The following VEPH1 variants were observed in gnomAD, a reference collection of about 807,000 sequenced individuals.
VEPH1 encodes the protein ventricular zone expressed PH domain containing 1, also known as ventricular zone-expressed PH domain-containing protein homolog 1.
VEPH1 carries 80 observed loss-of-function variants against 85.2 expected under a neutral mutation model. The ratio of observed to expected loss-of-function variants is 0.94; its 90% CI spans 0.78 to 1.13. The LOEUF (loss-of-function observed/expected upper bound fraction) is 1.13. VEPH1 is among the 50% of genes most tolerant of loss of function. The probability of loss-of-function intolerance (pLI) is 0.00; values close to 1 mark genes in which losing one functional copy is unlikely to be tolerated. For synonymous variants in VEPH1, 297 were observed against 348.0 expected (o/e 0.85, Z 1.63); for missense variants, 955 against 980.5 (o/e 0.97, Z 0.35).
At chr3:157,280,715 G>C (rs1715994140) in intron 12 of VEPH1, among the ~76,000 whole-genome samples, 1 of 152,066 alleles carries the variant, frequency 6.6e-6, no homozygotes, top group African/African-American at 2.4e-5. Flanking sequence ...CTATTTCCAG[G>C]TTTCAGTTCA....
chr3:157,367,395 C>G (rs564829684), intron 7 of VEPH1, among the ~76,000 whole-genome samples: 1 of 152,104 alleles, frequency 6.6e-6, no homozygotes, highest in African/African-American at 2.4e-5. Context: ...TTTTACAAAC[C>G]ATGATGATTG....
chr3:157,486,345 A>C (rs2109663601), intron 2 of VEPH1, among the ~76,000 whole-genome samples: 1 of 152,126 alleles, frequency 6.6e-6, no homozygotes, highest in East Asian at 1.9e-4. Flanking sequence ...AAAATACAAA[A>C]ATTAGTCAGG....
chr3:157,304,021 T>A (rs185050074), intron 11 of VEPH1, among the ~76,000 whole-genome samples: 23,255 of 79,062 alleles, frequency 0.29, 3,224 homozygotes, highest in South Asian at 0.35. Flanking sequence ...ATCTTATATT[T>A]TTTATATATA....
At chr3:157,369,218 A>G (rs1727210141) in intron 7 of VEPH1, among the ~76,000 whole-genome samples, 1 of 137,334 alleles carries the variant, frequency 7.3e-6, no homozygotes, top group Non-Finnish European at 1.6e-5. Context: ...CCTGAGGTCT[A>G]CCAGATGCCC....
At chr3:157,304,019 T>TATATATATA (rs71872669) in intron 11 of VEPH1, among the ~76,000 whole-genome samples, 9 of 52,312 alleles carry the variant, frequency 1.7e-4, no homozygotes, top group African/African-American at 3.4e-4. Context: ...TCATCTTATA[T>TATATATATA]TTTTTATATA....
At chr3:157,383,111 G>A (rs552118296) in intron 6 of VEPH1, among the ~76,000 whole-genome samples, 63 of 152,218 alleles carry the variant, frequency 4.1e-4, no homozygotes, top group African/African-American at 1.5e-3. Context: ...TTACAGGCGT[G>A]AGCCACCGTG....
At position 157,495,296 on chromosome 3, in the gene VEPH1, C is replaced by A. The variant is rs751546361; in HGVS notation, c.54G>T (p.Gly18=). Residue 18 remains glycine (G), a synonymous_variant, in exon 2 of 14, where the codon GGG becomes GGT. Transcript: ENST00000362010. ...CAGAGTCATCTAAGGAGAAGAGGTC[C>A]CCAGCTCGTGAAAGATCTTTTTGTC... ...VLGQKDLSRA[G]DLFSLDDSEI... is the part of the protein sequence containing the mutation. 1.2e-6 allele frequency: 2 copies of A among 1,613,992 alleles called. No individual in the cohort carries two copies.
At chr3:157,462,672 A>G (rs1735991853) in intron 3 of VEPH1, among the ~76,000 whole-genome samples, 1 of 152,336 alleles carries the variant, frequency 6.6e-6, no homozygotes, top group African/African-American at 2.4e-5. Context: ...CACAGAAAAT[A>G]ACATTCTATG....
chr3:157,502,750 G>C (rs900738452), intron 1 of VEPH1, among the ~76,000 whole-genome samples: 1 of 152,092 alleles, frequency 6.6e-6, no homozygotes, highest in South Asian at 2.1e-4. Context: ...GTAAAAAAGT[G>C]GTTAGATTTA....
intron 3 of VEPH1, among the ~76,000 whole-genome samples, chr3:157,467,378 GA>G (rs1308586046): frequency 2.6e-5 from 4 of 151,614 alleles, no homozygotes; most frequent in Admixed American, 1.3e-4. Context: ...TCTAACTTTT[GA>G]AAGTTGGCCT....
chr3:157,443,096 G>T lies in VEPH1; in HGVS notation c.530-14608C>A, dbSNP rs969085596. The T allele has an allele frequency of 6.6e-6, 8 of 1,216,194 alleles. No homozygotes were observed. In the African/African-American group the frequency reaches 1.2e-4, roughly 19 times the overall value. The allele number at this position is 1,216,194 out of a possible 1,614,324, so 75.3% of individuals were successfully genotyped here. A position where few individuals can be genotyped will look rare whatever the true frequency, so the allele number is the denominator to read the frequency against. ...GAACACTTGAGACTAATGAAAGAGA[G>T]AGTTGAGACCAATCTTTATTTGTAC... On this transcript the variant is annotated intron_variant, in intron 4 of 13. Transcript: ENST00000362010.
At chr3:157,390,301 A>G (rs1185627707) in intron 6 of VEPH1, among the ~76,000 whole-genome samples, 1 of 152,224 alleles carries the variant, frequency 6.6e-6, no homozygotes, top group African/African-American at 2.4e-5. Flanking sequence ...TTCCAATCCC[A>G]TAGAATGAGA....
chr3:157,350,759 T>C (rs1724779128), intron 9 of VEPH1, among the ~76,000 whole-genome samples: 1 of 151,954 alleles, frequency 6.6e-6, no homozygotes, highest in South Asian at 2.1e-4. Context: ...GACCGACAAA[T>C]ATATGAAAAA....
intron 2 of VEPH1, among the ~76,000 whole-genome samples, chr3:157,478,468 G>T (rs1237688938): frequency 6.6e-6 from 1 of 152,046 alleles, no homozygotes; most frequent in African/African-American, 2.4e-5. Context: ...CCAAATAATA[G>T]TTTATTAATA....
intron 9 of VEPH1, among the ~76,000 whole-genome samples, chr3:157,350,970 A>G (rs1343767787): frequency 1.3e-5 from 2 of 152,264 alleles, no homozygotes; most frequent in Non-Finnish European, 1.5e-5. Flanking sequence ...AGGTCCCTCA[A>G]TATCTACAAA....
At chr3:157,313,913 T>C (rs1459049736) in intron 10 of VEPH1, among the ~76,000 whole-genome samples, 158 bp from the exon 11 acceptor site, 2 of 152,114 alleles carry the variant, frequency 1.3e-5, no homozygotes, top group Admixed American at 6.5e-5. Context: ...ATCGAACATA[T>C]GGGGTTGGGC....
intron 2 of VEPH1, among the ~76,000 whole-genome samples, chr3:157,481,239 T>C (rs1237435993): frequency 6.6e-6 from 1 of 152,028 alleles, no homozygotes; most frequent in Non-Finnish European, 1.5e-5. Flanking sequence ...TCTCCCATTC[T>C]CTAGGTTATC....
chr3:157,491,420 A>C (rs1013904012), intron 2 of VEPH1, among the ~76,000 whole-genome samples: 1 of 152,138 alleles, frequency 6.6e-6, no homozygotes, highest in African/African-American at 2.4e-5. Flanking sequence ...CTGGTCTAGA[A>C]AGGACTTGAA....
chr3:157,406,659 G>C (rs1288075039), intron 6 of VEPH1, among the ~76,000 whole-genome samples: 1 of 131,758 alleles, frequency 7.6e-6, no homozygotes, highest in Non-Finnish European at 1.6e-5. Flanking sequence ...GCTGCACTCA[G>C]GGGCATGCTA....
Sources: allele counts gnomAD v4.1 joint callset (sites outside exome capture counted in the v4.1 genomes callset), GRCh38; gene constraint gnomAD v4.1.1; transcripts MANE v1.5; gene names NCBI Gene and HGNC (gene_info 2026-07-23, HGNC 2026-07-21).